Variants in CCDC198 observed in about 807,000 individuals in gnomAD.
CCDC198 encodes factor associated with metabolism and energy.
In CCDC198, 18 loss-of-function variants were observed where a neutral mutation model predicts 35.6. That is an observed-to-expected ratio of 0.51 (90% CI 0.35 to 0.75). The LOEUF (loss-of-function observed/expected upper bound fraction) is 0.75. Ranked by LOEUF, CCDC198 falls within the 30% of genes least tolerant of loss-of-function variation. The pLI is 0.01. For missense variants in CCDC198, 365 were observed against 343.7 expected (o/e 1.06, Z -0.49); for synonymous variants, 119 against 113.4 (o/e 1.05, Z -0.31).
At chr14:57,486,864 A>G (rs1006367959) in intron 2 of CCDC198, among the ~76,000 whole-genome samples, 6 of 152,178 alleles carry the variant, frequency 3.9e-5, no homozygotes, top group African/African-American at 1.2e-4. Context: ...AGTGGTAGAT[A>G]TCTTCAAGAA....
intron 5 of CCDC198, among the ~76,000 whole-genome samples, chr14:57,479,414 T>C (rs1195322257): frequency 6.6e-6 from 1 of 152,144 alleles, no homozygotes; most frequent in African/African-American, 2.4e-5. Context: ...TAGATGTTGT[T>C]TTTAAGCTGA....
chr14:57,480,323 G>A, intron 5 of CCDC198: 2 of 982,666 alleles, frequency 2.0e-6, no homozygotes, highest in Non-Finnish European at 2.4e-6. Flanking sequence ...TCTGCTTCTA[G>A]GGATGAGGCA....
intron 1 of CCDC198, 102 bp from the exon 2 acceptor site, chr14:57,491,173 C>T (rs973081994): frequency 2.5e-6 from 3 of 1,201,216 alleles, no homozygotes; most frequent in Non-Finnish European, 3.5e-6. Flanking sequence ...AATTTTGTAC[C>T]TTTTCAGTTA....
Position 57,481,658 on chromosome 14 carries a change from C to A in CCDC198, c.396G>T (p.Gln132His). 1.3e-6 allele frequency: 2 copies of A among 1,593,130 alleles called. No homozygotes were observed. Among genetic ancestry groups the A allele is most frequent in the Admixed American group, 3.3e-5 (2 of 59,780 alleles). The change falls in exon 4 of 6, where the codon CAG becomes CAT. Residue 132 changes from glutamine (Q) to histidine (H), a missense_variant and splice_region_variant. Coordinates refer to ENST00000216445, the MANE Select transcript of CCDC198 (RefSeq NM_018168.4). ...REARTMHKAK[Q>H]VLEKKMQTPM... ...GAGTTTGCATTTTCTTTTCTAGTAC[C>A]TGCTATGAAAGACAACACACTTGTT...
Position 57,493,734 on chromosome 14 carries a change from A to G in CCDC198, c.-19T>C, listed in dbSNP as rs748223826. ...GGCCCATTTCATGTGAAAGACATTC[A>G]GAGGAAAGCTGCGAGGGAAGTGGTT... On this transcript the variant is annotated 5_prime_UTR_variant, in exon 1 of 6. Coordinates refer to ENST00000216445, the MANE Select transcript of CCDC198 (RefSeq NM_018168.4). 3.1e-6 allele frequency: 5 copies of G among 1,600,086 alleles called. No individual in the cohort carries two copies. Among genetic ancestry groups the G allele is most frequent in the African/African-American group, 1.3e-5 (1 of 74,600 alleles).
At chr14:57,483,427 A>G (rs1342216324) in intron 2 of CCDC198, 1 of 362,144 alleles carries the variant, frequency 2.8e-6, no homozygotes, top group Non-Finnish European at 5.1e-6. Flanking sequence ...TTCTGTCTGC[A>G]TTAAGGGACC....
chr14:57,486,378 A>G (rs968352259), intron 2 of CCDC198, among the ~76,000 whole-genome samples: 2 of 152,144 alleles, frequency 1.3e-5, no homozygotes, highest in Non-Finnish European at 2.9e-5. Context: ...TGGCATCTCC[A>G]GGATTTAAGC....
chr14:57,474,781 C>T (rs1214977941), intron 5 of CCDC198, among the ~76,000 whole-genome samples: 1 of 152,106 alleles, frequency 6.6e-6, no homozygotes, highest in East Asian at 1.9e-4. Flanking sequence ...AAAGTGTATC[C>T]TACTCCAAAA....
At chr14:57,490,059 C>T (rs566925871) in intron 2 of CCDC198, among the ~76,000 whole-genome samples, 65 of 152,054 alleles carry the variant, frequency 4.3e-4, no homozygotes, top group Non-Finnish European at 7.9e-4. Context: ...TGGCTGTGAG[C>T]TTCTGCAGAA....
intron 3 of CCDC198, 31 bp from the exon 4 acceptor site, chr14:57,481,691 G>C (rs759839176): frequency 1.4e-6 from 2 of 1,396,750 alleles, no homozygotes; most frequent in Non-Finnish European, 2.0e-6. Flanking sequence ...GTTAGTATGG[G>C]GTAATTTGTT....
chr14:57,493,773 T>C lies in CCDC198; in HGVS notation c.-58A>G. On this transcript the variant is annotated 5_prime_UTR_variant, in exon 1 of 6. In the 5' UTR this introduces an upstream ATG that the reference lacks. Coordinates refer to ENST00000216445, the MANE Select transcript of CCDC198 (RefSeq NM_018168.4). ...AGGGAAGTGGTTTTGGGGTCTTTAA[T>C]ATAGCTTATTTTAATCAAAGCATTT... 1.5e-6 allele frequency: 2 copies of C among 1,296,228 alleles called. No individual in the cohort carries two copies. The highest frequency in any genetic ancestry group is 2.2e-6 in the Non-Finnish European group (2 of 921,330). 80.3% of individuals were successfully genotyped at this position (1,296,228 alleles called of 1,614,324 possible).
intron 5 of CCDC198, chr14:57,480,369 C>T: frequency 1.1e-6 from 1 of 901,650 alleles, no homozygotes; most frequent in Non-Finnish European, 1.3e-6. Flanking sequence ...ATATTAAACC[C>T]ATACAAAGAA....
In CCDC198 at chr14:57,471,252, A is replaced by G; in HGVS notation, c.*103T>C. ...TAAAGATATCATTTCTTTTTACCAA[A>G]GTGATTTGCTGTCCTCAAAGTAATT... On this transcript the variant is annotated 3_prime_UTR_variant, in exon 6 of 6. Transcript: ENST00000216445. 2 of 785,620 alleles carry G rather than the reference A, an allele frequency of 2.5e-6. No homozygotes were observed. Among genetic ancestry groups the G allele is most frequent in the Non-Finnish European group, 4.1e-6 (2 of 489,926 alleles). The allele number at this position is 785,620 out of a possible 1,614,324, so 48.7% of individuals were successfully genotyped here.
intron 1 of CCDC198, among the ~76,000 whole-genome samples, chr14:57,492,787 T>A (rs61995061): frequency 0.16 from 24,199 of 152,058 alleles, 2,238 homozygotes; most frequent in Non-Finnish European, 0.2. Context: ...TATATGTATA[T>A]AATAAACATA....
intron 2 of CCDC198, among the ~76,000 whole-genome samples, chr14:57,489,179 A>G (rs1299191484): frequency 6.6e-6 from 1 of 152,218 alleles, no homozygotes; most frequent in Non-Finnish European, 1.5e-5. Flanking sequence ...TACACCATGG[A>G]ATACTATGCA....
In CCDC198 at chr14:57,493,816, T is replaced by G; in HGVS notation, c.-101A>C. The stretch of plus-strand genomic sequence containing the variant: ...AAGCATTTCAGAAGTTTACCCTCGC[T>G]TTACAAAGCAGTCATTTCCTTCATG... On this transcript the variant is annotated 5_prime_UTR_variant, in exon 1 of 6. Transcript: ENST00000216445. The G allele has an allele frequency of 1.1e-6, 1 of 886,482 alleles. No homozygotes were observed. The highest frequency in any genetic ancestry group is 1.7e-6 in the Non-Finnish European group (1 of 585,212). The allele number at this position is 886,482 out of a possible 1,614,324, so 54.9% of individuals were successfully genotyped here.
chr14:57,478,552 C>G, intron 5 of CCDC198: 11 of 986,910 alleles, frequency 1.1e-5, no homozygotes, highest in Non-Finnish European at 1.3e-5. Context: ...TCCTTGGTCC[C>G]CTCCAGGTCT....
At chr14:57,472,467 G>A (rs1017633626) in intron 5 of CCDC198, among the ~76,000 whole-genome samples, 1 of 152,174 alleles carries the variant, frequency 6.6e-6, no homozygotes, top group Admixed American at 6.5e-5. Context: ...TTTTGGGCAA[G>A]AATATTGCAC....
intron 5 of CCDC198, 21 bp downstream of exon 5, chr14:57,480,573 TA>T: frequency 6.2e-7 from 1 of 1,608,342 alleles, no homozygotes; most frequent in Non-Finnish European, 8.5e-7. Context: ...AATGTTTTAC[TA>T]AAAAATTGTA....
Sources: allele counts gnomAD v4.1 joint callset (sites outside exome capture counted in the v4.1 genomes callset), GRCh38; gene constraint gnomAD v4.1.1; transcripts MANE v1.5; gene names NCBI Gene and HGNC (gene_info 2026-07-23, HGNC 2026-07-21).